The following PEX14 variants were observed in gnomAD, a reference collection of about 807,000 sequenced individuals.
PEX14 encodes the protein peroxisomal membrane protein PEX14.
Under a neutral mutation model 49.5 loss-of-function variants are expected in PEX14, and 15 were observed. The observed-to-expected ratio is 0.30, with a 90% CI of 0.20 to 0.47. PEX14 has a LOEUF of 0.47. Among genes scored for constraint, PEX14 ranks in the 20% least tolerant of loss-of-function variants. PEX14 has a pLI of 1.00. For missense variants in PEX14, 398 were observed against 494.8 expected (o/e 0.80, Z 1.86); for synonymous variants, 210 against 212.7 (o/e 0.99, Z 0.11).
chr1:10,599,350 C>T lies in PEX14; in HGVS notation c.282C>T (p.Leu94=). 1 of 1,614,230 alleles carries T rather than the reference C, an allele frequency of 6.2e-7. No homozygotes were observed. Among genetic ancestry groups the T allele is most frequent in the Non-Finnish European group, 8.5e-7 (1 of 1,180,034 alleles). The part of the protein sequence containing the change: ...TQVVPVQPPH[L]ISQPYSPAGS... The stretch of plus-strand genomic sequence containing the variant: ...TGGTTCCTGTCCAGCCCCCTCACCT[C>T]ATATCTCAGCCATACAGTAAGTCAC... The change falls in exon 4 of 9, where the codon CTC becomes CTT. Residue 94 remains leucine (L), a synonymous_variant. Transcript: ENST00000356607.
At chr1:10,584,634 G>A (rs529329876) in intron 3 of PEX14, among the ~76,000 whole-genome samples, 213 of 152,316 alleles carry the variant, frequency 1.4e-3, no homozygotes, top group South Asian at 3.5e-3. Flanking sequence ...AAAGATATAT[G>A]AGAATTCTTT....
At chr1:10,507,020 A>G (rs1641794965) in intron 2 of PEX14, among the ~76,000 whole-genome samples, 1 of 152,234 alleles carries the variant, frequency 6.6e-6, no homozygotes, top group Admixed American at 6.5e-5. Context: ...ACTAGCTCCG[A>G]TCACATAGGC....
In PEX14 at chr1:10,630,252, G is replaced by C; in HGVS notation, c.*265G>C. 1.7e-6 allele frequency: 1 copy of C among 586,926 alleles called. No individual in the cohort carries two copies. The highest frequency in any genetic ancestry group is 3.0e-6 in the Non-Finnish European group (1 of 333,306). 36.4% of individuals were successfully genotyped at this position (586,926 alleles called of 1,614,324 possible). On this transcript the variant is annotated 3_prime_UTR_variant, in exon 9 of 9. Transcript: ENST00000356607. The surrounding 1 kb of genome is among the most constrained non-coding windows in gnomAD (Gnocchi z 4.1). ...GCTTTGATCTCAAGTCAGGCTGAAG[G>C]CAGCGAAGCCTCGGGGCCCAAGCCC... is the stretch of plus-strand genomic sequence containing the variant.
rs201979629 is a variant in PEX14 at position 10,474,992 on chromosome 1, A to T, written c.26A>T (p.Gln9Leu). Residue 9 changes from glutamine (Q) to leucine (L), a missense_variant, in exon 1 of 9, where the codon CAG becomes CTG. Transcript: ENST00000356607. MASSEQAE[Q>L]PSQPSSTPGS... ...ATGGCGTCCTCGGAGCAGGCAGAGC[A>T]GCCGAGCCAGGTAAGGGGAGTGGGA... The T allele has an allele frequency of 5.1e-5, 82 of 1,610,198 alleles. No individual in the cohort carries two copies. In the East Asian group the frequency reaches 1.7e-3, roughly 34 times the overall value.
intron 1 of PEX14, among the ~76,000 whole-genome samples, chr1:10,487,849 C>T (rs980019632): frequency 4.6e-5 from 7 of 151,876 alleles, no homozygotes; most frequent in Admixed American, 2.6e-4. Flanking sequence ...GGCTCGATCT[C>T]GGCTTACTGC....
intron 3 of PEX14, among the ~76,000 whole-genome samples, chr1:10,590,464 A>G (rs530062536): frequency 1.3e-5 from 2 of 152,304 alleles, no homozygotes; most frequent in African/African-American, 2.4e-5. Context: ...TTATCAATAT[A>G]TAATCTATAT....
At chr1:10,561,538 A>G (rs1639653304) in intron 3 of PEX14, among the ~76,000 whole-genome samples, 1 of 152,246 alleles carries the variant, frequency 6.6e-6, no homozygotes, top group East Asian at 1.9e-4. Context: ...CATTACAATA[A>G]AAGGTGAGAA....
At chr1:10,615,885 C>A (rs957250776) in intron 4 of PEX14, among the ~76,000 whole-genome samples, 1 of 152,238 alleles carries the variant, frequency 6.6e-6, no homozygotes, top group Non-Finnish European at 1.5e-5. Flanking sequence ...AAATGTAAGA[C>A]TACTAATGGC....
intron 3 of PEX14, among the ~76,000 whole-genome samples, chr1:10,537,764 C>T (rs1638880002): frequency 6.6e-6 from 1 of 152,036 alleles, no homozygotes; most frequent in Non-Finnish European, 1.5e-5. Context: ...GGCACTTCCC[C>T]ACCGCAGGCT....
At chr1:10,570,865 T>TTTTTTTTG (rs1570283463) in intron 3 of PEX14, among the ~76,000 whole-genome samples, 1 of 147,710 alleles carries the variant, frequency 6.8e-6, no homozygotes, top group Non-Finnish European at 1.5e-5. Flanking sequence ...TTTTTTTTTT[T>TTTTTTTTG]GAGATGGTAT....
intron 3 of PEX14, among the ~76,000 whole-genome samples, chr1:10,545,319 C>G (rs1008935040): frequency 6.6e-5 from 10 of 152,030 alleles, no homozygotes; most frequent in Non-Finnish European, 5.9e-5. Flanking sequence ...TTTGTAGGGA[C>G]ATATAATTTC....
Position 10,627,317 on chromosome 1 carries a change from G to C in PEX14, c.631G>C (p.Glu211Gln), listed in dbSNP as rs777737482. The change falls in exon 8 of 9, where the codon GAA becomes CAA. Residue 211 changes from glutamate (E) to glutamine (Q), a missense_variant. Glu to Gln is a conservative substitution (Grantham distance 29). This residue lies in a region of PEX14 where 202 missense variants were observed against 298.5 expected (regional missense o/e 0.68). Transcript: ENST00000356607. ...GATCCTGGAGTCCCAGAATATCAAC[G>C]AACTCAAGTCCGAAATTAACTCCTT... is the stretch of plus-strand genomic sequence containing the variant. ...NWILESQNIN[E>Q]LKSEINSLKG... 9.3e-6 allele frequency: 15 copies of C among 1,613,604 alleles called. No individual in the cohort carries two copies. The highest frequency in any genetic ancestry group is 1.7e-5 in the Admixed American group (1 of 60,004).
rs529608476 is a variant in PEX14 at position 10,488,338 on chromosome 1, G to T, written c.37-6936G>T. Among the ~76,000 whole-genome samples the T allele has an allele frequency of 1.5e-4, 22 of 149,332 alleles. 1 individual carries two copies. In the South Asian group the frequency reaches 4.5e-3, roughly 30 times the overall value. On this transcript the variant is annotated intron_variant, in intron 1 of 8. Transcript: ENST00000356607. ...TGCTCGGCTAATTTTTGTATTTTTA[G>T]TGGAGATGCGGTTTCACTGTACTGG...
chr1:10,600,618 T>C (rs1048368535), intron 4 of PEX14, among the ~76,000 whole-genome samples: 1 of 150,000 alleles, frequency 6.7e-6, no homozygotes, highest in Non-Finnish European at 1.5e-5. Context: ...CTTAGGGGGC[T>C]GAGGCAGGAG....
chr1:10,491,976 C>T (rs1001008193), intron 1 of PEX14, among the ~76,000 whole-genome samples: 3 of 152,180 alleles, frequency 2.0e-5, no homozygotes, highest in African/African-American at 7.2e-5. Context: ...AGCCACTGCA[C>T]CCGGCCGGCC....
In PEX14 at chr1:10,512,483, G is replaced by T. The variant is rs114212862; in HGVS notation, c.84+17162G>T. Among the ~76,000 whole-genome samples, 1 of 152,098 alleles carries T rather than the reference G, an allele frequency of 6.6e-6. No individual in the cohort carries two copies. Among genetic ancestry groups the T allele is most frequent in the African/African-American group, 2.4e-5 (1 of 41,408 alleles). ...AAGGTGGGGTGGATCCCTGATGTTC[G>T]CCTGCTTTGAAGCATAGCAGAATCC... On this transcript the variant is annotated intron_variant, in intron 2 of 8. Coordinates refer to ENST00000356607, the MANE Select transcript of PEX14 (RefSeq NM_004565.3). The surrounding 1 kb of genome is among the most constrained non-coding windows in gnomAD (Gnocchi z 4.6).
intron 3 of PEX14, among the ~76,000 whole-genome samples, chr1:10,559,191 A>T (rs1440717348): frequency 3.9e-5 from 6 of 152,176 alleles, no homozygotes; most frequent in Non-Finnish European, 8.8e-5. Flanking sequence ...ATATGAGTGC[A>T]CAAGGAGGTA....
At chr1:10,626,533 G>T (rs1186798417) in intron 7 of PEX14, among the ~76,000 whole-genome samples, 5 of 152,240 alleles carry the variant, frequency 3.3e-5, no homozygotes, top group African/African-American at 1.2e-4. Context: ...CAGAGGCCAG[G>T]CCTCTGTAAG....
intron 4 of PEX14, among the ~76,000 whole-genome samples, chr1:10,611,801 C>T (rs1641284439): frequency 6.6e-6 from 1 of 152,212 alleles, no homozygotes; most frequent in Non-Finnish European, 1.5e-5. Context: ...TACAGAGTCT[C>T]TTCCAATCTT....
Sources: allele counts gnomAD v4.1 joint callset (sites outside exome capture counted in the v4.1 genomes callset), GRCh38; gene constraint gnomAD v4.1.1; regional missense constraint gnomAD v4.1.1; non-coding constraint Gnocchi (gnomAD v3.1); transcripts MANE v1.5; gene names NCBI Gene and HGNC (gene_info 2026-07-23, HGNC 2026-07-21).